The following LINGO2 variants were observed in gnomAD, a reference collection of about 807,000 sequenced individuals.
LINGO2 encodes the protein leucine rich repeat and Ig domain containing 2, also known as leucine-rich repeat and immunoglobulin-like domain-containing nogo receptor-interacting protein 2.
A neutral mutation model predicts 30.6 loss-of-function variants in LINGO2; 14 were observed. The ratio of observed to expected loss-of-function variants is 0.46; its 90% CI spans 0.30 to 0.72. LINGO2 has a LOEUF of 0.72. Among genes scored for constraint, LINGO2 ranks in the 30% least tolerant of loss-of-function variants. The pLI is 0.07. For missense variants in LINGO2, 729 were observed against 751.7 expected, an observed-to-expected ratio of 0.97 and a Z score of 0.35; for synonymous variants, 317 against 288.5, an observed-to-expected ratio of 1.10 and a Z score of -1.00.
intron 4 of LINGO2, among the ~76,000 whole-genome samples, chr9:28,096,618 C>T (rs1488479993): frequency 1.3e-5 from 2 of 150,320 alleles, no homozygotes; most frequent in South Asian, 2.1e-4. Context: ...CAGTCACTTA[C>T]CCACCCACCT....
the LINGO2 span, among the ~76,000 whole-genome samples, chr9:28,830,293 T>C: frequency 1.3e-5 from 2 of 152,052 alleles, no homozygotes; most frequent in Non-Finnish European, 2.9e-5. Context: ...AGGACAGTCA[T>C]ATGGAACTAC....
intron 2 of LINGO2, among the ~76,000 whole-genome samples, chr9:28,450,354 T>A (rs1250031944): frequency 6.6e-6 from 1 of 152,064 alleles, no homozygotes; most frequent in Non-Finnish European, 1.5e-5. Flanking sequence ...AAGTGCTTTT[T>A]AAGAAGTGTT....
At chr9:29,115,417 A>G in the LINGO2 span, among the ~76,000 whole-genome samples, 3 of 152,068 alleles carry the variant, frequency 2.0e-5, no homozygotes, top group Non-Finnish European at 4.4e-5. Context: ...ATGAAACACC[A>G]ATCTTGAGTT....
chr9:28,923,091 G>A, the LINGO2 span, among the ~76,000 whole-genome samples: 3 of 152,132 alleles, frequency 2.0e-5, no homozygotes, highest in African/African-American at 7.2e-5. Flanking sequence ...GAAATGAAAG[G>A]AAATGGATTT....
At chr9:28,314,059 C>T (rs963417927) in intron 3 of LINGO2, among the ~76,000 whole-genome samples, 5 of 152,162 alleles carry the variant, frequency 3.3e-5, no homozygotes, top group Non-Finnish European at 5.9e-5. Flanking sequence ...CTCAGCCTCC[C>T]GCGTAGCTGG....
At chr9:28,390,823 A>C (rs969344560) in intron 2 of LINGO2, among the ~76,000 whole-genome samples, 5 of 152,202 alleles carry the variant, frequency 3.3e-5, no homozygotes, top group South Asian at 2.1e-4. Flanking sequence ...TGCTCTTCTT[A>C]TTATTCAGGA....
intron 5 of LINGO2, among the ~76,000 whole-genome samples, chr9:27,952,657 C>T (rs1269590384): frequency 2.0e-5 from 3 of 152,024 alleles, no homozygotes; most frequent in Non-Finnish European, 2.9e-5. Context: ...ATGTTAAAGG[C>T]GGCATTTTAA....
At chr9:28,158,074 A>G (rs2133584400) in intron 4 of LINGO2, among the ~76,000 whole-genome samples, 1 of 152,252 alleles carries the variant, frequency 6.6e-6, no homozygotes, top group South Asian at 2.1e-4. Flanking sequence ...TAATGTTACC[A>G]ATTTACTATA....
At chr9:28,134,094 A>C (rs1288827691) in intron 4 of LINGO2, among the ~76,000 whole-genome samples, 1 of 152,132 alleles carries the variant, frequency 6.6e-6, no homozygotes, top group East Asian at 1.9e-4. Context: ...TCTACCTTTG[A>C]AATATATCTC....
the LINGO2 span, among the ~76,000 whole-genome samples, chr9:28,862,262 G>A: frequency 6.6e-6 from 1 of 152,054 alleles, no homozygotes; most frequent in Admixed American, 6.6e-5. Context: ...GGTTACATAT[G>A]TATCAGACAA....
At chr9:28,465,403 CTTCT>C (rs1482118231) in intron 2 of LINGO2, among the ~76,000 whole-genome samples, 2 of 152,104 alleles carry the variant, frequency 1.3e-5, no homozygotes, top group Non-Finnish European at 2.9e-5. Context: ...CGTTCAGATG[CTTCT>C]TTCTTTTGTG....
intron 4 of LINGO2, among the ~76,000 whole-genome samples, chr9:28,053,819 G>A (rs1351062793): frequency 1.3e-5 from 2 of 152,064 alleles, no homozygotes; most frequent in Non-Finnish European, 2.9e-5. Context: ...ATGATTACGT[G>A]TTTTCAGCTA....
the LINGO2 span, among the ~76,000 whole-genome samples, chr9:28,961,469 C>T: frequency 6.6e-6 from 1 of 152,112 alleles, no homozygotes; most frequent in Non-Finnish European, 1.5e-5. Context: ...TGGAGTAGGA[C>T]TCATCCATAT....
At chr9:29,061,864 A>G in the LINGO2 span, among the ~76,000 whole-genome samples, 68 of 152,208 alleles carry the variant, frequency 4.5e-4, no homozygotes, top group Middle Eastern at 3.4e-3. Context: ...TTATTAAAGT[A>G]TATTATCAAC....
At chr9:28,894,128 C>T in the LINGO2 span, among the ~76,000 whole-genome samples, 233 of 152,230 alleles carry the variant, frequency 1.5e-3, no homozygotes, top group African/African-American at 5.4e-3. Context: ...ATATGTGCCA[C>T]ATTTTCTTAA....
intron 1 of LINGO2, among the ~76,000 whole-genome samples, chr9:28,568,678 G>A (rs1433147872): frequency 1.3e-5 from 2 of 148,720 alleles, no homozygotes; most frequent in Non-Finnish European, 3.0e-5. Flanking sequence ...TCAGGAGAGT[G>A]TGGAAATATA....
At chr9:29,057,447 G>A in the LINGO2 span, among the ~76,000 whole-genome samples, 1 of 152,134 alleles carries the variant, frequency 6.6e-6, no homozygotes, top group Non-Finnish European at 1.5e-5. Flanking sequence ...GCTAGTTAAT[G>A]ACTTTAATGT....
the LINGO2 span, among the ~76,000 whole-genome samples, chr9:29,010,456 G>C: frequency 6.6e-6 from 1 of 152,116 alleles, no homozygotes; most frequent in Non-Finnish European, 1.5e-5. Flanking sequence ...ATAAGAAACA[G>C]GCAATGAAGC....
At chr9:28,220,205 G>A (rs1455189899) in intron 4 of LINGO2, among the ~76,000 whole-genome samples, 1 of 152,130 alleles carries the variant, frequency 6.6e-6, no homozygotes, top group Non-Finnish European at 1.5e-5. Flanking sequence ...GTATCTCTGG[G>A]AGTCCTGGAA....
Sources: allele counts gnomAD v4.1 joint callset (sites outside exome capture counted in the v4.1 genomes callset), GRCh38; gene constraint gnomAD v4.1.1; transcripts MANE v1.5; gene names NCBI Gene and HGNC (gene_info 2026-07-23, HGNC 2026-07-21).